PRKCA: variants seen among roughly 807,000 people sequenced by gnomAD.
PRKCA encodes the protein protein kinase C alpha.
PRKCA carries 27 observed loss-of-function variants against 87.0 expected under a neutral mutation model. The observed-to-expected ratio is 0.31, with a 90% CI of 0.23 to 0.43. The LOEUF (loss-of-function observed/expected upper bound fraction) is 0.43, where lower values mean the gene tolerates loss of function less well. Among genes scored for constraint, PRKCA ranks in the 20% least tolerant of loss-of-function variants. The probability of loss-of-function intolerance (pLI) is 1.00; values close to 1 mark genes in which losing one functional copy is unlikely to be tolerated. For missense variants in PRKCA, 518 were observed against 852.3 expected (o/e 0.61, Z 4.88); for synonymous variants, 329 against 311.1 (o/e 1.06, Z -0.61).
At chr17:66,313,019 G>A (rs2087637299) in intron 2 of PRKCA, among the ~76,000 whole-genome samples, 1 of 152,066 alleles carries the variant, frequency 6.6e-6, no homozygotes, top group Non-Finnish European at 1.5e-5. Context: ...GATTACAGGC[G>A]TGAGCTCCCG....
chr17:66,484,948 T>C (rs1282836958), intron 2 of PRKCA, among the ~76,000 whole-genome samples: 1 of 152,118 alleles, frequency 6.6e-6, no homozygotes, highest in Admixed American at 6.5e-5. Context: ...CACCTTGGCT[T>C]TTACATTGTA....
At chr17:66,618,278 C>T (rs933156363) in intron 3 of PRKCA, among the ~76,000 whole-genome samples, 2 of 151,654 alleles carry the variant, frequency 1.3e-5, no homozygotes, top group African/African-American at 4.8e-5. Context: ...TTGCTTGAAC[C>T]CAGGAGGCAG....
Position 66,641,411 on chromosome 17 carries a change from C to T in PRKCA, c.345C>T (p.Cys115=), listed in dbSNP as rs371359925. The change falls in exon 4 of 17, where the codon TGC becomes TGT. Residue 115 remains cysteine, a synonymous_variant. Transcript: ENST00000413366. ...KIHTYGSPTF[C]DHCGSLLYGL... ...ACACTTACGGAAGCCCCACCTTCTG[C>T]GATCACTGTGGGTCACTGCTCTATG... The T allele has an allele frequency of 3.2e-5, 52 of 1,612,412 alleles. No homozygotes were observed. Among genetic ancestry groups the T allele is most frequent in the South Asian group, 4.4e-5 (4 of 90,692 alleles).
chr17:66,527,209 A>G (rs547634121), intron 3 of PRKCA, among the ~76,000 whole-genome samples: 1 of 146,966 alleles, frequency 6.8e-6, no homozygotes, highest in South Asian at 2.3e-4. Flanking sequence ...CTACCTGCCC[A>G]CCCCATACCC....
chr17:66,677,207 G>GTAGC (rs1972360842), intron 5 of PRKCA: 1 of 151,176 alleles, frequency 6.6e-6, no homozygotes, highest in East Asian at 1.9e-4. Context: ...AGACCCCTGA[G>GTAGC]TAGCTGGGAC....
At chr17:66,440,829 C>T (rs935278513) in intron 2 of PRKCA, among the ~76,000 whole-genome samples, 2 of 151,930 alleles carry the variant, frequency 1.3e-5, no homozygotes, top group African/African-American at 4.8e-5. Context: ...AGTTTGAGAC[C>T]AGCCCTGGCA....
At chr17:66,674,367 C>T (rs1198024830) in intron 5 of PRKCA, among the ~76,000 whole-genome samples, 1 of 152,196 alleles carries the variant, frequency 6.6e-6, no homozygotes, top group African/African-American at 2.4e-5. Context: ...CAGAGATACA[C>T]GTGTTCAGCA....
At chr17:66,709,301 C>CTTTTTTTTTTTTTT (rs552633887) in intron 8 of PRKCA, among the ~76,000 whole-genome samples, 1 of 84,908 alleles carries the variant, frequency 1.2e-5, no homozygotes, top group African/African-American at 4.8e-5. Flanking sequence ...GAGATGATTT[C>CTTTTTTTTTTTTTT]TTTTTTTTTT....
intron 2 of PRKCA, among the ~76,000 whole-genome samples, chr17:66,427,427 T>G (rs143216127): frequency 6.6e-6 from 1 of 152,260 alleles, no homozygotes; most frequent in Non-Finnish European, 1.5e-5. Flanking sequence ...TGAGTAGTTA[T>G]GAAAGAGAGA....
rs543855276 is a variant in PRKCA at position 66,768,268 on chromosome 17, G to C, written c.1525-5719G>C. On this transcript the variant is annotated intron_variant, in intron 13 of 16. Coordinates refer to ENST00000413366, the MANE Select transcript of PRKCA (RefSeq NM_002737.3). The stretch of plus-strand genomic sequence containing the variant: ...CATTTTTTTTTTTTTTTTTGGGGGG[G>C]AGAGATTAGGGTCTTGCTATGTTGC... Among the ~76,000 whole-genome samples, 452 of 141,484 alleles carry C rather than the reference G, an allele frequency of 3.2e-3. 3 individuals carry two copies. The highest frequency in any genetic ancestry group is 4.9e-3 in the Non-Finnish European group (318 of 64,782). The allele number at this position is 141,484 out of a possible 152,430, so 92.8% of individuals were successfully genotyped here. A position where few individuals can be genotyped will look rare whatever the true frequency, so the allele number is the denominator to read the frequency against.
At chr17:66,715,461 C>T (rs906665358) in intron 8 of PRKCA, among the ~76,000 whole-genome samples, 6 of 152,174 alleles carry the variant, frequency 3.9e-5, no homozygotes, top group African/African-American at 1.4e-4. Flanking sequence ...CTCCAGGGCC[C>T]CCTGCAGCCC....
intron 2 of PRKCA, among the ~76,000 whole-genome samples, chr17:66,382,693 A>C (rs1909830045): frequency 6.6e-6 from 1 of 152,180 alleles, no homozygotes; most frequent in Admixed American, 6.5e-5. Context: ...GTGGTTCTCA[A>C]TCAGGGATGA....
chr17:66,420,127 T>G (rs1912403444), intron 2 of PRKCA, among the ~76,000 whole-genome samples: 1 of 150,046 alleles, frequency 6.7e-6, no homozygotes, highest in African/African-American at 2.4e-5. Flanking sequence ...TTCCCCTGCC[T>G]CAGCCTCCCA....
At chr17:66,728,137 A>G (rs886235635) in intron 8 of PRKCA, among the ~76,000 whole-genome samples, 2 of 152,106 alleles carry the variant, frequency 1.3e-5, no homozygotes, top group East Asian at 3.9e-4. Flanking sequence ...CAGCGTGGAG[A>G]TGGCTCAGGG....
intron 3 of PRKCA, among the ~76,000 whole-genome samples, chr17:66,569,853 C>A (rs867578687): frequency 2.0e-5 from 3 of 152,208 alleles, no homozygotes; most frequent in Non-Finnish European, 4.4e-5. Context: ...TCAGTATTGA[C>A]TAAAGCTGAA....
intron 8 of PRKCA, among the ~76,000 whole-genome samples, chr17:66,731,312 G>A (rs976200952): frequency 1.4e-5 from 2 of 144,142 alleles, no homozygotes; most frequent in Non-Finnish European, 3.0e-5. Flanking sequence ...CCACTGCACT[G>A]CGCTTCAGCC....
At chr17:66,472,044 C>T (rs749214149) in intron 2 of PRKCA, among the ~76,000 whole-genome samples, 4 of 152,192 alleles carry the variant, frequency 2.6e-5, no homozygotes, top group African/African-American at 9.6e-5. Flanking sequence ...TCACTGCAGC[C>T]TGGAACTCCT....
intron 3 of PRKCA, among the ~76,000 whole-genome samples, chr17:66,560,440 T>G (rs1968642977): frequency 6.6e-6 from 1 of 152,208 alleles, no homozygotes; most frequent in Non-Finnish European, 1.5e-5. Context: ...GAGCCCATTG[T>G]CAGTGTATTA....
intron 8 of PRKCA, among the ~76,000 whole-genome samples, chr17:66,726,107 C>T (rs1464214232): frequency 2.0e-5 from 3 of 151,726 alleles, no homozygotes; most frequent in African/African-American, 7.3e-5. Flanking sequence ...GAATGGAACC[C>T]TCAGGTGTTC....
Sources: gnomAD v4.1 joint callset for allele counts (sites outside exome capture counted in the v4.1 genomes callset) on GRCh38, gnomAD v4.1.1 for gene constraint, MANE v1.5 for transcripts, NCBI Gene and HGNC (gene_info 2026-07-23, HGNC 2026-07-21) for gene names.